KIFC2: variants seen among roughly 807,000 people sequenced by gnomAD.
The protein encoded by KIFC2 is kinesin family member C2.
A neutral mutation model predicts 91.5 loss-of-function variants in KIFC2; 94 were observed. That is an observed-to-expected ratio of 1.03 (90% CI 0.87 to 1.22). KIFC2 has a LOEUF of 1.22. KIFC2 is among the 50% of genes most tolerant of loss of function. The pLI is 0.00. For synonymous variants in KIFC2, 729 were observed against 503.9 expected, an observed-to-expected ratio of 1.45 and a Z score of -5.98; for missense variants, 1,357 against 1,103.3, an observed-to-expected ratio of 1.23 and a Z score of -3.26.
At position 144,468,752 on chromosome 8, in the gene KIFC2, G is replaced by C; in HGVS notation, c.1031G>C (p.Arg344Pro). 1 of 1,614,034 alleles carries C rather than the reference G, an allele frequency of 6.2e-7. No homozygotes were observed. The highest frequency in any genetic ancestry group is 8.5e-7 in the Non-Finnish European group (1 of 1,180,014). Reference protein sequence around the residue: ...AGLRARMASLRQGCGDLRGLV... With the variant: ...AGLRARMASLPQGCGDLRGLV... ...CTTCGGGCACGGATGGCCAGCCTGC[G>C]TCAGGGCTGCGGGGACCTCCGAGGT... Residue 344 changes from arginine to proline, a missense_variant, in exon 10 of 18, where the codon CGT becomes CCT. Transcript: ENST00000645548.
intron 12 of KIFC2, among the ~76,000 whole-genome samples, chr8:144,469,879 C>T (rs959150983): frequency 2.0e-5 from 3 of 152,224 alleles, no homozygotes; most frequent in Non-Finnish European, 2.9e-5. Context: ...TTGCTGGGGT[C>T]CAGGGTTTGC....
At chr8:144,468,979 C>T (rs375677745) in intron 10 of KIFC2, 145 bp downstream of exon 10, 40 of 670,528 alleles carry the variant, frequency 6.0e-5, no homozygotes, top group African/African-American at 7.3e-5. Context: ...GGTGGGATTC[C>T]ACTTCTGGGC....
chr8:144,468,683 C>G, intron 9 of KIFC2, 33 bp downstream of exon 9: 1 of 1,613,432 alleles, frequency 6.2e-7, no homozygotes, highest in Non-Finnish European at 8.5e-7. Context: ...ATGGGAGGCC[C>G]TGGAGGCTGG....
chr8:144,468,931 T>C, intron 10 of KIFC2, 97 bp downstream of exon 10: 3 of 989,148 alleles, frequency 3.0e-6, no homozygotes, highest in South Asian at 3.0e-5. Flanking sequence ...TACTAATAAG[T>C]GGGGCTCTGG....
In KIFC2 at chr8:144,473,487, C is replaced by T. The variant is rs532459382; in HGVS notation, c.*98C>T. Reference sequence around the variant, plus strand: ...TACCCCGTCTCCCAGGGCACAAGCTCCCTAGCCTCTTTGGATCCATTGCCC... The same window carrying T: ...TACCCCGTCTCCCAGGGCACAAGCTTCCTAGCCTCTTTGGATCCATTGCCC... On this transcript the variant is annotated 3_prime_UTR_variant, in exon 18 of 18. Coordinates refer to ENST00000645548, the MANE Select transcript of KIFC2 (RefSeq NM_001369769.2). 6 of 1,436,144 alleles carry T rather than the reference C, an allele frequency of 4.2e-6. No homozygotes were observed. Among genetic ancestry groups the T allele is most frequent in the East Asian group, 5.2e-5 (2 of 38,708 alleles). 89.0% of individuals were successfully genotyped at this position (1,436,144 alleles called of 1,614,324 possible).
At chr8:144,468,065 C>G (rs1055263011) in intron 7 of KIFC2, 78 bp downstream of exon 7, 1 of 1,453,498 alleles carries the variant, frequency 6.9e-7, no homozygotes. Context: ...AGGGCCCGAG[C>G]CTCCTCAGGA....
chr8:144,470,186 A>C (rs898413017), intron 12 of KIFC2, among the ~76,000 whole-genome samples: 2 of 152,356 alleles, frequency 1.3e-5, no homozygotes, highest in African/African-American at 4.8e-5. Flanking sequence ...GCAGAATGGC[A>C]GCGACTCCCA....
intron 12 of KIFC2, 106 bp from the exon 13 acceptor site, chr8:144,471,836 C>A: frequency 1.1e-6 from 1 of 939,590 alleles, no homozygotes; most frequent in South Asian, 1.4e-5. Context: ...TCCCAGGAGA[C>A]TAGGCTCTGC....
rs754963251 is a variant in KIFC2 at position 144,472,862 on chromosome 8, G to A, written c.1929G>A (p.Pro643=). The change falls in exon 17 of 18, where the codon CCG becomes CCA. Residue 643 remains proline, a synonymous_variant. Transcript: ENST00000645548. The part of the protein sequence containing the change: ...RARKAGAAGP[P]RGDPDGARRL... ...GGAAGGCAGGGGCGGCCGGCCCGCCGCGGGGAGACCCAGACGGCGCCCGGC... is the reference window on the plus strand; with the variant it reads ...GGAAGGCAGGGGCGGCCGGCCCGCCACGGGGAGACCCAGACGGCGCCCGGC... 2.6e-6 allele frequency: 4 copies of A among 1,543,416 alleles called. No individual in the cohort carries two copies. In the African/African-American group the frequency reaches 4.3e-5, roughly 16 times the overall value.
In KIFC2 at chr8:144,466,983, C is replaced by A; in HGVS notation, c.203C>A (p.Ser68Ter). ...LAASSEPEDGSEGAAEGRAAA... is the reference protein window; with the variant it reads ...LAASSEPEDG Reference sequence around the variant, plus strand: ...GCCAGCTCCGAGCCTGAGGATGGGTCGGAAGGCGCAGCCGAGGGCCGCGCG... The same window carrying A: ...GCCAGCTCCGAGCCTGAGGATGGGTAGGAAGGCGCAGCCGAGGGCCGCGCG... Residue 68 changes from serine (S) to a stop codon, truncating the protein, a stop_gained, in exon 3 of 18, where the codon TCG becomes TAG. Transcript: ENST00000645548. LOFTEE classifies it high-confidence loss of function. 1 of 1,596,276 alleles carries A rather than the reference C, an allele frequency of 6.3e-7. No individual in the cohort carries two copies. The highest frequency in any genetic ancestry group is 1.1e-5 in the South Asian group (1 of 90,048).
chr8:144,466,566 AC>A, intron 1 of KIFC2, 48 bp downstream of exon 1: 1 of 1,010,812 alleles, frequency 9.9e-7, no homozygotes, highest in Non-Finnish European at 1.3e-6. Context: ...CGCCTGCCCC[AC>A]CCCCACGCCG....
rs1356254552 is a variant in KIFC2, at chr8:144,471,923, A to G, written c.1381-19A>G. 6.2e-7 allele frequency: 1 copy of G among 1,610,988 alleles called. No homozygotes were observed. The highest frequency in any genetic ancestry group is 8.5e-7 in the Non-Finnish European group (1 of 1,178,278). On this transcript the variant is annotated intron_variant, in intron 12 of 17. Coordinates refer to ENST00000645548, the MANE Select transcript of KIFC2 (RefSeq NM_001369769.2). ...GCAACGTGGGGAGGACTCAAAACAC[A>G]TTCTCCCGCCTCCCGCAGGTCTTCA...
At chr8:144,472,112 C>G (rs200364470) in intron 13 of KIFC2, 26 bp from the exon 14 acceptor site, 2 of 1,613,014 alleles carry the variant, frequency 1.2e-6, no homozygotes, top group South Asian at 1.1e-5. Flanking sequence ...GATGTGAGCC[C>G]GGTGTGCACC....
At chr8:144,468,287 C>A in intron 7 of KIFC2, 42 bp from the exon 8 acceptor site, 1 of 1,532,476 alleles carries the variant, frequency 6.5e-7, no homozygotes, top group Non-Finnish European at 8.9e-7. Flanking sequence ...GTACCACAGA[C>A]CGTCCCTCTC....
chr8:144,466,308 T>G, upstream of KIFC2: 1 of 252,220 alleles, frequency 4.0e-6, no homozygotes, highest in Non-Finnish European at 7.0e-6. Context: ...AGCCGGGCCG[T>G]GGGGGCGGCC....
Position 144,472,628 on chromosome 8 carries a change from C to T in KIFC2, c.1783C>T (p.Gln595Ter), listed in dbSNP as rs1345184530. 3 of 1,604,022 alleles carry T rather than the reference C, an allele frequency of 1.9e-6. No individual in the cohort carries two copies. Among genetic ancestry groups the T allele is most frequent in the Non-Finnish European group, 2.5e-6 (3 of 1,179,702 alleles). Residue 595 changes from glutamine to a stop codon, truncating the protein, a stop_gained, in exon 16 of 18, where the codon CAG (glutamine) becomes TAG (stop). Transcript: ENST00000645548. LOFTEE classifies it high-confidence loss of function. ...GGCCACCGCCGCCACCGCCATGAAC[C>T]AGCGCAGCTCCCGCTCGCATGCCCT... ...NRATAATAMNQRSSRSHALVT... is the reference protein window; with the variant it reads ...NRATAATAMN
rs758968107 is a variant in KIFC2, at chr8:144,471,999, A to G, written c.1438A>G (p.Ile480Val). ...CTGCCTCCGAGGCTACAGCGTCTGC[A>G]TCTTCACCTATGGCCAGACAGGCAC... Reference protein sequence around the residue: ...LSCLRGYSVCIFTYGQTGTGK... With the variant: ...LSCLRGYSVCVFTYGQTGTGK... Residue 480 changes from isoleucine to valine, a missense_variant, in exon 13 of 18, where the codon ATC becomes GTC. Physicochemically the swap from Ile to Val is conservative, Grantham distance 29. Transcript: ENST00000645548. 2 of 1,613,546 alleles carry G rather than the reference A, an allele frequency of 1.2e-6. No homozygotes were observed. Among genetic ancestry groups the G allele is most frequent in the East Asian group, 2.2e-5 (1 of 44,888 alleles).
Position 144,469,522 on chromosome 8 carries a change from G to A in KIFC2, c.1255G>A (p.Gly419Arg). The change falls in exon 12 of 18, where the codon GGG (glycine) becomes AGG (arginine). Residue 419 changes from glycine to arginine, a missense_variant. By Grantham distance (125) the Gly-to-Arg change is moderately radical. Transcript: ENST00000645548. ...CCGTGTGCTGTGTCGGCTGAGGCCA[G>A]GGACATCTTCTAGCCTTGTGAGTGT... ...NIRVLCRLRPGTSSSLVSVEP... is the reference protein window; with the variant it reads ...NIRVLCRLRPRTSSSLVSVEP... 1 of 1,614,024 alleles carries A rather than the reference G, an allele frequency of 6.2e-7. No homozygotes were observed. Among genetic ancestry groups the A allele is most frequent in the Middle Eastern group, 1.7e-4 (1 of 6,060 alleles).
chr8:144,470,550 T>C (rs919747416), intron 12 of KIFC2: 12 of 152,284 alleles, frequency 7.9e-5, no homozygotes, highest in African/African-American at 2.9e-4. Flanking sequence ...GAACACAGAA[T>C]TCTAGATTCT....
Sources: allele counts gnomAD v4.1 joint callset (sites outside exome capture counted in the v4.1 genomes callset), GRCh38; gene constraint gnomAD v4.1.1; transcripts MANE v1.5; gene names NCBI Gene and HGNC (gene_info 2026-07-23, HGNC 2026-07-21).